Variants in CNTN4 observed in about 807,000 individuals in gnomAD.
CNTN4 encodes the protein contactin-4.
In CNTN4, 77 loss-of-function variants were observed where a neutral mutation model predicts 122.5. The observed-to-expected ratio is 0.63, with a 90% CI of 0.52 to 0.76. The LOEUF is 0.76. CNTN4 is among the 30% of genes least tolerant of loss of function. The pLI, the probability that CNTN4 is intolerant of heterozygous loss-of-function variation, is 0.00. For missense variants in CNTN4, 1,256 were observed against 1,259.1 expected (o/e 1.00, Z 0.04); for synonymous variants, 512 against 447.0 (o/e 1.15, Z -1.83).
In CNTN4 at chr3:2,385,402, C is replaced by T. The variant is rs1316955537; in HGVS notation, c.-89+46169C>T. ...GGCAGAGTCTTTGTCCTTTTCTCCA[C>T]TATTACCTGAGCAATATTCCTGGTG... is the stretch of plus-strand genomic sequence containing the variant. On this transcript the variant is annotated intron_variant, in intron 3 of 24. Transcript: ENST00000418658. The surrounding 1 kb of genome is among the most constrained non-coding windows in gnomAD (Gnocchi z 4.0). Among the ~76,000 whole-genome samples the T allele has an allele frequency of 6.6e-6, 1 of 152,088 alleles. No homozygotes were observed. The highest frequency in any genetic ancestry group is 2.4e-5 in the African/African-American group (1 of 41,442).
At chr3:2,102,527 G>T (rs888971120) in intron 2 of CNTN4, among the ~76,000 whole-genome samples, 4 of 152,172 alleles carry the variant, frequency 2.6e-5, no homozygotes, top group Admixed American at 1.3e-4. Context: ...TCTCGGTTGT[G>T]TGAAGTCCCA....
intron 4 of CNTN4, among the ~76,000 whole-genome samples, chr3:2,717,325 T>C (rs1013698793): frequency 6.6e-6 from 1 of 152,084 alleles, no homozygotes; most frequent in African/African-American, 2.4e-5. Flanking sequence ...GAATCTGGAA[T>C]TTTGGTATAT....
chr3:3,053,965 A>G lies in CNTN4; in HGVS notation c.2970A>G (p.Pro990=), dbSNP rs1197703511. 1 of 1,614,226 alleles carries G rather than the reference A, an allele frequency of 6.2e-7. No homozygotes were observed. Among genetic ancestry groups the G allele is most frequent in the Non-Finnish European group, 8.5e-7 (1 of 1,180,036 alleles). The change falls in exon 24 of 25, where the codon CCA becomes CCG. Residue 990 remains proline, a synonymous_variant. Transcript: ENST00000418658. ...GCAGCAGTGAACAAATTCGAATTCC[A>G]AAGATATCAAGTGAGAATGCCTTTT... is the stretch of plus-strand genomic sequence containing the variant. ...DGSSSEQIRI[P]KISNAYARGS...
intron 2 of CNTN4, among the ~76,000 whole-genome samples, chr3:2,259,460 T>C (rs1036443582): frequency 1.6e-4 from 25 of 152,106 alleles, no homozygotes; most frequent in Admixed American, 1.1e-3. Context: ...CATTAGTCCG[T>C]TTTCACGCTG....
chr3:3,007,876 A>G (rs1271772698), intron 14 of CNTN4, among the ~76,000 whole-genome samples: 1 of 152,180 alleles, frequency 6.6e-6, no homozygotes, highest in Non-Finnish European at 1.5e-5. Context: ...ATAGGCTGGA[A>G]CAACAGAGAT....
At chr3:2,512,810 G>C (rs2076927706) in intron 3 of CNTN4, among the ~76,000 whole-genome samples, 1 of 152,168 alleles carries the variant, frequency 6.6e-6, no homozygotes, top group Non-Finnish European at 1.5e-5. Context: ...ATAATTTCCA[G>C]AGTGGGAAAT....
chr3:2,535,292 T>C (rs1323140474), intron 3 of CNTN4, among the ~76,000 whole-genome samples: 1 of 152,164 alleles, frequency 6.6e-6, no homozygotes. Flanking sequence ...TTTCTAAAGC[T>C]ATGACTTTCT....
intron 3 of CNTN4, among the ~76,000 whole-genome samples, chr3:2,388,867 C>T (rs902553631): frequency 1.1e-4 from 16 of 150,844 alleles, no homozygotes; most frequent in African/African-American, 2.4e-4. Flanking sequence ...AACAAACAAA[C>T]GAAAACCAGG....
At chr3:2,322,925 T>G (rs1399511161) in intron 2 of CNTN4, among the ~76,000 whole-genome samples, 1 of 152,128 alleles carries the variant, frequency 6.6e-6, no homozygotes, top group African/African-American at 2.4e-5. Context: ...TGTCTCAGAT[T>G]GGTGGATTTC....
intron 6 of CNTN4, among the ~76,000 whole-genome samples, chr3:2,803,921 T>C (rs1376525058): frequency 2.6e-5 from 4 of 152,040 alleles, no homozygotes; most frequent in Admixed American, 6.6e-5. Context: ...GCTACACCCA[T>C]TGAGACTGAG....
At chr3:2,301,561 G>C (rs964051929) in intron 2 of CNTN4, among the ~76,000 whole-genome samples, 6 of 152,236 alleles carry the variant, frequency 3.9e-5, no homozygotes, top group Admixed American at 2.0e-4. Flanking sequence ...GTTGATAGCT[G>C]GTTTTTAACA....
At chr3:2,508,508 G>C (rs982484769) in intron 3 of CNTN4, among the ~76,000 whole-genome samples, 3 of 152,130 alleles carry the variant, frequency 2.0e-5, no homozygotes, top group Middle Eastern at 3.2e-3. Flanking sequence ...CCCTAGATTT[G>C]CTGAGGTTTT....
intron 2 of CNTN4, among the ~76,000 whole-genome samples, chr3:2,135,072 G>A (rs2034624907): frequency 6.6e-6 from 1 of 152,068 alleles, no homozygotes. Context: ...TATCAAGGCT[G>A]GGAAACCCTG....
rs202178554 is a variant in CNTN4 at position 2,539,405 on chromosome 3, C to G, written c.-88-32011C>G. On this transcript the variant is annotated intron_variant, in intron 3 of 24. Coordinates refer to ENST00000418658, the MANE Select transcript of CNTN4 (RefSeq NM_175607.3). ...TCTTTAAATTCTCTGTCAATTGGCACTAATTTCTTTTGAGACGTGTTTTGG... is the reference window on the plus strand; with the variant it reads ...TCTTTAAATTCTCTGTCAATTGGCAGTAATTTCTTTTGAGACGTGTTTTGG... Among the ~76,000 whole-genome samples, 9 of 152,210 alleles carry G rather than the reference C, an allele frequency of 5.9e-5. No homozygotes were observed. In the East Asian group the frequency reaches 1.7e-3, roughly 29 times the overall value.
At chr3:2,976,753 C>A (rs937782382) in intron 13 of CNTN4, among the ~76,000 whole-genome samples, 1 of 152,098 alleles carries the variant, frequency 6.6e-6, no homozygotes, top group Non-Finnish European at 1.5e-5. Context: ...CTGAGAATTT[C>A]CACGTATCTT....
chr3:2,735,196 A>T (rs1435930830), intron 4 of CNTN4, among the ~76,000 whole-genome samples: 1 of 152,242 alleles, frequency 6.6e-6, no homozygotes, highest in Non-Finnish European at 1.5e-5. Context: ...TTTTAAAATT[A>T]TATTAAAGAA....
intron 7 of CNTN4, among the ~76,000 whole-genome samples, chr3:2,865,994 A>G (rs544552820): frequency 7.9e-4 from 120 of 152,182 alleles, no homozygotes; most frequent in Non-Finnish European, 1.3e-3. Flanking sequence ...TTTTTTTAAT[A>G]TGGATGTATA....
chr3:2,327,510 C>G (rs1465115334), intron 2 of CNTN4, among the ~76,000 whole-genome samples: 2 of 152,136 alleles, frequency 1.3e-5, no homozygotes, highest in African/African-American at 2.4e-5. Context: ...ATCTCTCCCT[C>G]TTTAGGAAAG....
intron 12 of CNTN4, among the ~76,000 whole-genome samples, chr3:2,923,606 A>G (rs2094447877): frequency 6.6e-6 from 1 of 152,176 alleles, no homozygotes; most frequent in Non-Finnish European, 1.5e-5. Flanking sequence ...CCAACATGGG[A>G]GTGCTTATTG....
Sources: allele counts gnomAD v4.1 joint callset (sites outside exome capture counted in the v4.1 genomes callset), GRCh38; gene constraint gnomAD v4.1.1; non-coding constraint Gnocchi (gnomAD v3.1); transcripts MANE v1.5; gene names NCBI Gene and HGNC (gene_info 2026-07-23, HGNC 2026-07-21).